RALGPS1: variants seen among roughly 807,000 people sequenced by gnomAD.
RALGPS1 encodes the protein ras-specific guanine nucleotide-releasing factor RalGPS1.
Under a neutral mutation model 78.8 loss-of-function variants are expected in RALGPS1, and 19 were observed. The ratio of observed to expected loss-of-function variants is 0.24; its 90% CI spans 0.17 to 0.35. The LOEUF (loss-of-function observed/expected upper bound fraction) is 0.35, where lower values mean the gene tolerates loss of function less well. Among genes scored for constraint, RALGPS1 ranks in the 10% least tolerant of loss-of-function variants. The probability of loss-of-function intolerance (pLI) is 1.00; values close to 1 mark genes in which losing one functional copy is unlikely to be tolerated. For synonymous variants in RALGPS1, 228 were observed against 256.3 expected (o/e 0.89, Z 1.06); for missense variants, 454 against 688.3 (o/e 0.66, Z 3.81).
intron 7 of RALGPS1, among the ~76,000 whole-genome samples, chr9:127,054,782 C>G (rs1293606483): frequency 2.6e-5 from 4 of 152,076 alleles, no homozygotes; most frequent in Admixed American, 6.5e-5. Flanking sequence ...AGTTTGAGAC[C>G]AGCCTAGACA....
intron 11 of RALGPS1, among the ~76,000 whole-genome samples, chr9:127,180,758 A>C (rs985768319): frequency 1.3e-5 from 2 of 152,238 alleles, no homozygotes; most frequent in African/African-American, 4.8e-5. Context: ...ACCTAAGGGC[A>C]TGAAACAACC....
intron 8 of RALGPS1, among the ~76,000 whole-genome samples, chr9:127,113,491 G>A (rs2055067819): frequency 6.6e-6 from 1 of 151,704 alleles, no homozygotes; most frequent in Non-Finnish European, 1.5e-5. Context: ...TATCTCAAGA[G>A]AAGTAACACC....
intron 7 of RALGPS1, among the ~76,000 whole-genome samples, chr9:127,058,176 T>G (rs1473664901): frequency 6.6e-6 from 1 of 152,108 alleles, no homozygotes; most frequent in Non-Finnish European, 1.5e-5. Context: ...CAGAGGTCAG[T>G]GTGGCCAGAG....
intron 1 of RALGPS1, among the ~76,000 whole-genome samples, chr9:126,916,651 G>A (rs763437303): frequency 4.5e-4 from 69 of 152,254 alleles, no homozygotes; most frequent in Non-Finnish European, 8.8e-4. Context: ...GCATGGTGGC[G>A]GGCACCTGTA....
rs141105945 is a variant in RALGPS1 at position 127,117,268 on chromosome 9, A to T, written c.610+47912A>T. 2.1e-3 allele frequency among the ~76,000 whole-genome samples: 315 copies of T among 152,278 alleles called. 2 individuals are homozygous for T. The highest frequency in any genetic ancestry group is 0.02 in the Middle Eastern group (6 of 294). On this transcript the variant is annotated intron_variant, in intron 8 of 18. Coordinates refer to ENST00000259351, the MANE Select transcript of RALGPS1 (RefSeq NM_014636.3). The stretch of plus-strand genomic sequence containing the variant: ...GCTTCCAACTCAACACCCAAGACTC[A>T]GATTGCAGTCATCTGGTTATCTCCC...
At chr9:127,084,718 C>T (rs1042207825) in intron 8 of RALGPS1, among the ~76,000 whole-genome samples, 1 of 152,280 alleles carries the variant, frequency 6.6e-6, no homozygotes, top group Non-Finnish European at 1.5e-5. Flanking sequence ...TTCTATACTT[C>T]TCACACAGTG....
At chr9:126,936,003 G>A (rs1377767500) in intron 1 of RALGPS1, among the ~76,000 whole-genome samples, 2 of 152,212 alleles carry the variant, frequency 1.3e-5, no homozygotes, top group African/African-American at 4.8e-5. Flanking sequence ...GCTAGGGGAG[G>A]ACTGCCTCCC....
intron 13 of RALGPS1, 142 bp from the exon 14 acceptor site, chr9:127,198,873 C>T (rs875382): frequency 0.25 from 184,829 of 752,202 alleles, 26,152 homozygotes; most frequent in East Asian, 0.45. Flanking sequence ...AGCAAAAACT[C>T]GAGTACGTTG....
At position 127,069,262 on chromosome 9, in the gene RALGPS1, G is replaced by A. The variant is rs375120770; in HGVS notation, c.516G>A (p.Glu172=). 95 of 1,611,636 alleles carry A rather than the reference G, an allele frequency of 5.9e-5. No homozygotes were observed. The highest frequency in any genetic ancestry group is 7.8e-5 in the Non-Finnish European group (92 of 1,178,024). The part of the protein sequence containing the change: ...LLNRKDKTTF[E]KLDYLMSKED... ...ATCGAAAAGACAAGACTACCTTTGA[G>A]AAATTGGACTACCTGATGTCGAAAG... Residue 172 remains glutamate (E), a synonymous_variant, in exon 8 of 19, where the codon GAG becomes GAA. Coordinates refer to ENST00000259351, the MANE Select transcript of RALGPS1 (RefSeq NM_014636.3).
chr9:126,940,827 A>G (rs2036712038), intron 1 of RALGPS1, among the ~76,000 whole-genome samples: 1 of 152,198 alleles, frequency 6.6e-6, no homozygotes, highest in African/African-American at 2.4e-5. Context: ...CGAACCTGGG[A>G]ACCGCTGTCT....
intron 8 of RALGPS1, among the ~76,000 whole-genome samples, chr9:127,123,054 G>A (rs980634027): frequency 6.6e-6 from 1 of 152,242 alleles, no homozygotes; most frequent in Non-Finnish European, 1.5e-5. Flanking sequence ...AGCAGGCAGC[G>A]GGTCCTCCCC....
Position 127,071,484 on chromosome 9 carries a change from T to C in RALGPS1, c.610+2128T>C, listed in dbSNP as rs535091813. 2.4e-4 allele frequency among the ~76,000 whole-genome samples: 37 copies of C among 152,320 alleles called. No homozygotes were observed. The South Asian group carries it at 7.2e-3, about 30-fold the overall frequency. On this transcript the variant is annotated intron_variant, in intron 8 of 18. Coordinates refer to ENST00000259351, the MANE Select transcript of RALGPS1 (RefSeq NM_014636.3). ...AGGTGACATCTTAAACATAATGAAA[T>C]ATGGACTTTCCATGTTTGTCTCTTA...
At chr9:127,118,904 T>A (rs887439464) in intron 8 of RALGPS1, among the ~76,000 whole-genome samples, 2 of 152,252 alleles carry the variant, frequency 1.3e-5, no homozygotes, top group Non-Finnish European at 2.9e-5. Flanking sequence ...ATCTCCCTGA[T>A]GTTTTCTCAG....
intron 5 of RALGPS1, among the ~76,000 whole-genome samples, chr9:127,048,403 T>C (rs1355878735): frequency 6.6e-6 from 1 of 152,232 alleles, no homozygotes; most frequent in Non-Finnish European, 1.5e-5. Context: ...TTGAACTTCT[T>C]CCATGGCCAC....
chr9:126,943,345 G>T (rs1588556068), intron 1 of RALGPS1, among the ~76,000 whole-genome samples: 1 of 152,136 alleles, frequency 6.6e-6, no homozygotes, highest in South Asian at 2.1e-4. Flanking sequence ...GTTTTGTCAT[G>T]TTGGCCAGGC....
intron 4 of RALGPS1, among the ~76,000 whole-genome samples, chr9:127,034,191 A>T (rs1253182630): frequency 6.6e-6 from 1 of 152,162 alleles, no homozygotes; most frequent in Non-Finnish European, 1.5e-5. Context: ...TGGCACAGAA[A>T]TCCTGGGAAA....
intron 1 of RALGPS1, among the ~76,000 whole-genome samples, chr9:126,958,440 C>T (rs1326845554): frequency 6.6e-6 from 1 of 152,140 alleles, no homozygotes; most frequent in Admixed American, 6.5e-5. Flanking sequence ...CTGTCCCTTC[C>T]CCTGGCCCAC....
chr9:127,213,094 A>G (rs1347320219), intron 17 of RALGPS1, 45 bp downstream of exon 17: 3 of 1,612,816 alleles, frequency 1.9e-6, no homozygotes, highest in Non-Finnish European at 2.5e-6. Context: ...CTCTCTGCCC[A>G]TTTCCTCTCT....
At position 126,965,845 on chromosome 9, in the gene RALGPS1, G is replaced by T; in HGVS notation, c.59G>T (p.Gly20Val). 6.2e-7 allele frequency: 1 copy of T among 1,612,034 alleles called. No individual in the cohort carries two copies. Residue 20 changes from glycine to valine, a missense_variant and splice_region_variant, in exon 3 of 19, where the codon GGC becomes GTC. Physicochemically the swap from Gly to Val is moderately radical, Grantham distance 109. Coordinates refer to ENST00000259351, the MANE Select transcript of RALGPS1 (RefSeq NM_014636.3). The part of the protein sequence containing the change: ...SVLVTSATPQ[G>V]SSSSDSLEGQ... ...ACCATCTTTCCCTGCTCTCCACAGGGCAGCAGCAGCTCGGACTCTCTGGAG... is the reference window on the plus strand; with the variant it reads ...ACCATCTTTCCCTGCTCTCCACAGGTCAGCAGCAGCTCGGACTCTCTGGAG...
Sources: allele counts gnomAD v4.1 joint callset (sites outside exome capture counted in the v4.1 genomes callset), GRCh38; gene constraint gnomAD v4.1.1; transcripts MANE v1.5; gene names NCBI Gene and HGNC (gene_info 2026-07-23, HGNC 2026-07-21).